Variants in TAF4B observed in about 807,000 individuals in gnomAD.
TAF4B encodes TATA-box binding protein associated factor 4b, also known as transcription initiation factor TFIID subunit 4B.
Under a neutral mutation model 86.4 loss-of-function variants are expected in TAF4B, and 38 were observed. The observed-to-expected ratio is 0.44, with a 90% CI of 0.34 to 0.58. The LOEUF is 0.58. TAF4B is among the 20% of genes least tolerant of loss of function. The probability of loss-of-function intolerance (pLI) is 0.02; values close to 1 mark genes in which losing one functional copy is unlikely to be tolerated. For synonymous variants in TAF4B, 388 were observed against 391.2 expected, an observed-to-expected ratio of 0.99 and a Z score of 0.10; for missense variants, 988 against 1,027.6, an observed-to-expected ratio of 0.96 and a Z score of 0.53.
chr18:26,321,084 A>G lies in TAF4B; in HGVS notation c.2017A>G (p.Ile673Val), dbSNP rs565653524. ...TGCTTCTGCAGGTAAAAAGCATGAC[A>G]TTACAGAACTTAACTCTGATGCTGT... ...RILDIGKKHDITELNSDAVNL... is the reference protein window; with the variant it reads ...RILDIGKKHDVTELNSDAVNL... Residue 673 changes from isoleucine to valine, a missense_variant, in exon 11 of 15, where the codon ATT becomes GTT. Around this residue, in one of 3 missense-constraint regions of TAF4B, gnomAD observed 216 missense variants for 238.4 expected, o/e 0.91. Coordinates refer to ENST00000269142, the MANE Select transcript of TAF4B (RefSeq NM_005640.3). 9.3e-6 allele frequency: 15 copies of G among 1,613,854 alleles called. No homozygotes were observed. The Admixed American group carries it at 1.7e-4, about 18-fold the overall frequency.
At chr18:26,264,716 CT>C (rs1166451901) in intron 1 of TAF4B, among the ~76,000 whole-genome samples, 1 of 152,144 alleles carries the variant, frequency 6.6e-6, no homozygotes, top group Non-Finnish European at 1.5e-5. Flanking sequence ...CAAATTTTAT[CT>C]TTTTCGTATA....
chr18:26,235,940 C>G (rs976226663), intron 1 of TAF4B, among the ~76,000 whole-genome samples: 2 of 152,162 alleles, frequency 1.3e-5, no homozygotes, highest in Non-Finnish European at 2.9e-5. Context: ...TCTTACTAAG[C>G]CTTGAGCTTT....
chr18:26,323,329 A>G (rs145581326), intron 11 of TAF4B, among the ~76,000 whole-genome samples: 3 of 152,014 alleles, frequency 2.0e-5, no homozygotes, highest in East Asian at 1.9e-4. Context: ...ATCTTCAACT[A>G]TTGTGGAGCT....
At chr18:26,311,561 C>T (rs985491049) in intron 9 of TAF4B, among the ~76,000 whole-genome samples, 15 of 152,210 alleles carry the variant, frequency 9.9e-5, no homozygotes, top group Admixed American at 9.2e-4. Flanking sequence ...GTGGAGGTTG[C>T]AGTGAGCCGA....
chr18:26,302,886 A>G (rs77411014), intron 9 of TAF4B, among the ~76,000 whole-genome samples: 4,233 of 152,078 alleles, frequency 0.028, 179 homozygotes, highest in African/African-American at 0.097. Context: ...AAATGCCTCT[A>G]ATCAATAGTT....
At position 26,301,813 on chromosome 18, in the gene TAF4B, G is replaced by GTC. The variant is rs200036537; in HGVS notation, c.1832+8293_1832+8294dup. ...TGGCAGCCTTGGACTTCAACTTCTT[G>GTC]TCTCTCTCTCTCCTCATGAGATTGC... On this transcript the variant is annotated intron_variant, in intron 9 of 14. Transcript: ENST00000269142. Among the ~76,000 whole-genome samples the GTC allele has an allele frequency of 4.3e-3, 654 of 152,092 alleles. 3 individuals carry two copies. Among genetic ancestry groups the GTC allele is most frequent in the African/African-American group, 0.015 (620 of 41,496 alleles).
chr18:26,339,322 T>C (rs2057118188), intron 13 of TAF4B, among the ~76,000 whole-genome samples: 1 of 152,128 alleles, frequency 6.6e-6, no homozygotes, highest in East Asian at 1.9e-4. Flanking sequence ...TTGTTTTAGT[T>C]GGTTTTTTTT....
chr18:26,272,998 CT>C lies in TAF4B; in HGVS notation c.598-1663del, dbSNP rs1173520156. ...CATCATTAATCAGTAATTTTAAAAT[CT>C]TATTAAAGTTTTTGCCAGGTGAGCC... On this transcript the variant is annotated intron_variant, in intron 3 of 14. Coordinates refer to ENST00000269142, the MANE Select transcript of TAF4B (RefSeq NM_005640.3). 7.2e-5 allele frequency among the ~76,000 whole-genome samples: 11 copies of C among 152,182 alleles called. No individual in the cohort carries two copies. The South Asian group carries it at 2.3e-3, about 32-fold the overall frequency.
At chr18:26,375,828 A>G (rs2057438954) in intron 14 of TAF4B, among the ~76,000 whole-genome samples, 1 of 152,140 alleles carries the variant, frequency 6.6e-6, no homozygotes, top group Non-Finnish European at 1.5e-5. Flanking sequence ...TAGGAGTTTT[A>G]TAGTTTTAGC....
intron 11 of TAF4B, among the ~76,000 whole-genome samples, chr18:26,325,390 T>C (rs1016538769): frequency 1.3e-5 from 2 of 152,214 alleles, no homozygotes; most frequent in African/African-American, 2.4e-5. Context: ...TGTTGGTGCA[T>C]GAAATCTTCA....
intron 10 of TAF4B, 89 bp from the exon 11 acceptor site, chr18:26,320,981 T>C (rs1344175370): frequency 6.6e-7 from 1 of 1,524,098 alleles, no homozygotes; most frequent in Middle Eastern, 1.7e-4. Flanking sequence ...TGGGTATGAC[T>C]TCCAGGGGGA....
intron 13 of TAF4B, among the ~76,000 whole-genome samples, chr18:26,341,669 G>A (rs2057137513): frequency 6.6e-6 from 1 of 151,892 alleles, no homozygotes; most frequent in African/African-American, 2.4e-5. Context: ...ACAGTGTCCT[G>A]GTATCATAAT....
At chr18:26,308,241 A>G (rs1015702360) in intron 9 of TAF4B, among the ~76,000 whole-genome samples, 3 of 152,168 alleles carry the variant, frequency 2.0e-5, no homozygotes, top group South Asian at 2.1e-4. Context: ...GTGTCTTAAT[A>G]AAAAAGAGAG....
intron 14 of TAF4B, among the ~76,000 whole-genome samples, chr18:26,389,609 C>G (rs902890397): frequency 1.3e-5 from 2 of 152,194 alleles, no homozygotes; most frequent in African/African-American, 2.4e-5. Flanking sequence ...GAAACCAGTT[C>G]AGAGGCTATT....
chr18:26,388,036 TA>T (rs1567935265), intron 14 of TAF4B, among the ~76,000 whole-genome samples: 5 of 152,340 alleles, frequency 3.3e-5, no homozygotes, highest in Admixed American at 3.3e-4. Flanking sequence ...TTAATTGTTA[TA>T]AAAGGACAGT....
chr18:26,292,140 G>T (rs2056600898), intron 7 of TAF4B, 106 bp from the exon 8 acceptor site: 3 of 1,259,664 alleles, frequency 2.4e-6, no homozygotes, highest in South Asian at 3.5e-5. Context: ...TAAGATAAAG[G>T]TATATTTATG....
Position 26,282,210 on chromosome 18 carries a change from G to T in TAF4B, c.972+150G>T, listed in dbSNP as rs1446140357. 23 of 637,186 alleles carry T rather than the reference G, an allele frequency of 3.6e-5. No individual in the cohort carries two copies. The Admixed American group carries it at 7.2e-4, about 20-fold the overall frequency. 39.5% of individuals were successfully genotyped at this position (637,186 alleles called of 1,614,324 possible). On this transcript the variant is annotated intron_variant, in intron 6 of 14. Transcript: ENST00000269142. ...TGAGTGCTTTTGTAAGCTATAAAGCGTGTTCATAATATTATTTTAATTTGG... is the reference window on the plus strand; with the variant it reads ...TGAGTGCTTTTGTAAGCTATAAAGCTTGTTCATAATATTATTTTAATTTGG...
intron 1 of TAF4B, among the ~76,000 whole-genome samples, chr18:26,239,697 C>A (rs1359371253): frequency 6.6e-5 from 10 of 152,180 alleles, no homozygotes; most frequent in African/African-American, 2.2e-4. Context: ...CCTAGGTTTT[C>A]TTCTAGAGTT....
intron 5 of TAF4B, among the ~76,000 whole-genome samples, chr18:26,278,856 T>C (rs1205669872): frequency 6.6e-6 from 1 of 152,156 alleles, no homozygotes; most frequent in Non-Finnish European, 1.5e-5. Flanking sequence ...GGTTCCTCAG[T>C]TCTTTGGAAC....
Sources: gnomAD v4.1 joint callset for allele counts (sites outside exome capture counted in the v4.1 genomes callset) on GRCh38, gnomAD v4.1.1 for gene constraint, gnomAD v4.1.1 regional missense constraint, MANE v1.5 for transcripts, NCBI Gene and HGNC (gene_info 2026-07-23, HGNC 2026-07-21) for gene names.